CCSER2: variants seen among roughly 807,000 people sequenced by gnomAD.
The protein encoded by CCSER2 is serine-rich coiled-coil domain-containing protein 2.
A neutral mutation model predicts 92.3 loss-of-function variants in CCSER2; 46 were observed. That is an observed-to-expected ratio of 0.50 (90% CI 0.39 to 0.64). CCSER2 has a LOEUF of 0.64. Among genes scored for constraint, CCSER2 ranks in the 30% least tolerant of loss-of-function variants. The pLI is 0.00. For missense variants in CCSER2, 1,244 were observed against 1,238.9 expected (o/e 1.00, Z -0.06); for synonymous variants, 433 against 431.4 (o/e 1.00, Z -0.04).
chr10:84,498,576 T>C (rs1307130902), intron 9 of CCSER2, among the ~76,000 whole-genome samples: 2 of 152,154 alleles, frequency 1.3e-5, no homozygotes, highest in Non-Finnish European at 2.9e-5. Flanking sequence ...ATACGGAAAG[T>C]GAGAAAAATT....
intron 6 of CCSER2, among the ~76,000 whole-genome samples, chr10:84,440,069 A>T (rs1038500406): frequency 1.3e-5 from 2 of 152,208 alleles, no homozygotes; most frequent in African/African-American, 4.8e-5. Flanking sequence ...ATAGCAGCTA[A>T]TAAGACCAGG....
chr10:84,471,776 G>A (rs1034642212), intron 8 of CCSER2, among the ~76,000 whole-genome samples: 4 of 151,920 alleles, frequency 2.6e-5, no homozygotes, highest in Non-Finnish European at 5.9e-5. Flanking sequence ...GTTGGGATTT[G>A]TTTGGATTTA....
chr10:84,370,520 G>A (rs1846005226), intron 1 of CCSER2, among the ~76,000 whole-genome samples: 1 of 152,078 alleles, frequency 6.6e-6, no homozygotes, highest in African/African-American at 2.4e-5. Flanking sequence ...TTTTGGAGGA[G>A]TCCGTAGGAT....
chr10:84,456,082 C>T (rs1188150979), intron 6 of CCSER2: 3 of 401,478 alleles, frequency 7.5e-6, no homozygotes, highest in East Asian at 6.4e-5. Flanking sequence ...GCCAAAGACC[C>T]GAGCTGCAGC....
chr10:84,424,003 AAG>A (rs1182800767), intron 4 of CCSER2, among the ~76,000 whole-genome samples: 4 of 150,226 alleles, frequency 2.7e-5, no homozygotes, highest in Non-Finnish European at 5.9e-5. Flanking sequence ...AAAAAAAAAA[AAG>A]ACTCTCCATG....
chr10:84,437,710 G>GTTTTTT (rs769780704), intron 5 of CCSER2, among the ~76,000 whole-genome samples: 2 of 126,818 alleles, frequency 1.6e-5, no homozygotes, highest in Non-Finnish European at 3.4e-5. Flanking sequence ...TTTTAGAGTA[G>GTTTTTT]TTTTTTTTTT....
chr10:84,364,749 T>TTTTG (rs1845691041), intron 1 of CCSER2, among the ~76,000 whole-genome samples: 1 of 151,204 alleles, frequency 6.6e-6, no homozygotes, highest in Non-Finnish European at 1.5e-5. Context: ...TTTTTTTGTT[T>TTTTG]TTTTTTTTTT....
chr10:84,418,311 A>G (rs375091694), intron 4 of CCSER2, among the ~76,000 whole-genome samples: 2 of 152,170 alleles, frequency 1.3e-5, no homozygotes, highest in African/African-American at 2.4e-5. Flanking sequence ...TTTACTCCCA[A>G]TTCTAGTCTA....
chr10:84,425,793 G>A lies in CCSER2; in HGVS notation c.1768G>A (p.Gly590Ser), dbSNP rs141796865. The change falls in exon 5 of 10, where the codon GGT becomes AGT. Residue 590 changes from glycine to serine, a missense_variant. Gly to Ser is a moderately conservative substitution (Grantham distance 56). Coordinates refer to ENST00000372088, the MANE Select transcript of CCSER2 (RefSeq NM_001284240.2). ...PDRNVRQPQEGFWKRPPQRWS... is the reference protein window; with the variant it reads ...PDRNVRQPQESFWKRPPQRWS... Reference sequence around the variant, plus strand: ...CAGAAATGTTCGGCAGCCTCAGGAAGGTTTTTGGAAAAGGCCACCCCAGAG... The same window carrying A: ...CAGAAATGTTCGGCAGCCTCAGGAAAGTTTTTGGAAAAGGCCACCCCAGAG... 16 of 1,613,550 alleles carry A rather than the reference G, an allele frequency of 9.9e-6. No individual in the cohort carries two copies. The highest frequency in any genetic ancestry group is 8.9e-5 in the East Asian group (4 of 44,874).
chr10:84,348,484 A>G (rs542226716), intron 1 of CCSER2, among the ~76,000 whole-genome samples: 8 of 152,136 alleles, frequency 5.3e-5, no homozygotes, highest in East Asian at 3.9e-4. Context: ...AGGGAGAGGG[A>G]GACCGTGGGG....
At chr10:84,348,812 T>C (rs1195037476) in intron 1 of CCSER2, among the ~76,000 whole-genome samples, 1 of 152,208 alleles carries the variant, frequency 6.6e-6, no homozygotes, top group Non-Finnish European at 1.5e-5. Flanking sequence ...AATATCTAAA[T>C]ACTCTTTATC....
At chr10:84,455,649 T>A in intron 6 of CCSER2, 1 of 667,064 alleles carries the variant, frequency 1.5e-6, no homozygotes, top group South Asian at 1.5e-5. Flanking sequence ...TCCACAGAAA[T>A]GAGTTTCAGG....
intron 3 of CCSER2, among the ~76,000 whole-genome samples, chr10:84,403,165 C>G (rs759675152): frequency 1.4e-4 from 17 of 119,642 alleles, no homozygotes; most frequent in Non-Finnish European, 2.6e-4. Flanking sequence ...ACAAATATGC[C>G]CAAGTGATTT....
chr10:84,454,014 A>G (rs1416768672), intron 6 of CCSER2, among the ~76,000 whole-genome samples: 2 of 152,172 alleles, frequency 1.3e-5, no homozygotes, highest in African/African-American at 2.4e-5. Flanking sequence ...TAGAGCTGCC[A>G]TAACAGATTA....
intron 1 of CCSER2, among the ~76,000 whole-genome samples, chr10:84,353,210 G>A (rs945363428): frequency 7.9e-5 from 12 of 152,160 alleles, no homozygotes; most frequent in Non-Finnish European, 1.5e-4. Context: ...CAGCAGGGAC[G>A]GTTAAGCCTT....
intron 1 of CCSER2, 71 bp downstream of exon 1, chr10:84,328,879 G>C (rs1269888599): frequency 1.3e-5 from 2 of 152,210 alleles, no homozygotes; most frequent in Non-Finnish European, 2.9e-5. Flanking sequence ...CCAAGACCAG[G>C]CACGCAGTCC....
intron 7 of CCSER2, among the ~76,000 whole-genome samples, chr10:84,466,014 A>G (rs1375948682): frequency 6.6e-6 from 1 of 152,224 alleles, no homozygotes; most frequent in Non-Finnish European, 1.5e-5. Flanking sequence ...CTAGGATTAC[A>G]GGCGTGAGCC....
At chr10:84,372,763 T>A (rs971198797) in intron 2 of CCSER2, among the ~76,000 whole-genome samples, 1 of 152,164 alleles carries the variant, frequency 6.6e-6, no homozygotes, top group African/African-American at 2.4e-5. Context: ...TGACTTCCCC[T>A]GCTTACCTCA....
intron 8 of CCSER2, among the ~76,000 whole-genome samples, chr10:84,474,264 C>G (rs1213811808): frequency 1.3e-5 from 2 of 152,130 alleles, no homozygotes; most frequent in Non-Finnish European, 2.9e-5. Context: ...ATTTGAAAAA[C>G]CAAGACAGAC....
Sources: allele counts gnomAD v4.1 joint callset (sites outside exome capture counted in the v4.1 genomes callset), GRCh38; gene constraint gnomAD v4.1.1; transcripts MANE v1.5; gene names NCBI Gene and HGNC (gene_info 2026-07-23, HGNC 2026-07-21).